The following GAS7 variants were observed in gnomAD, a reference collection of about 807,000 sequenced individuals.
GAS7 encodes growth arrest-specific protein 7.
A neutral mutation model predicts 71.1 loss-of-function variants in GAS7; 28 were observed. The observed-to-expected ratio is 0.39, with a 90% CI of 0.29 to 0.54. The LOEUF (loss-of-function observed/expected upper bound fraction) is 0.54, where lower values mean the gene tolerates loss of function less well. GAS7 is among the 20% of genes least tolerant of loss of function. GAS7 has a pLI of 0.62. For missense variants in GAS7, 436 were observed against 627.8 expected (o/e 0.69, Z 3.27); for synonymous variants, 258 against 245.8 (o/e 1.05, Z -0.46).
intron 1 of GAS7, among the ~76,000 whole-genome samples, chr17:10,065,591 A>C (rs146062889): frequency 0.016 from 2,508 of 152,312 alleles, 34 homozygotes; most frequent in Middle Eastern, 0.027. Context: ...TCTCTTATAA[A>C]GATGCTTGTG....
rs1296844463 is a variant in GAS7 at position 10,005,050 on chromosome 17, T to TATATATATATATATATATATATATAC, written c.304+14726_304+14727insGTATATATATATATATATATATATAT. On this transcript the variant is annotated intron_variant, in intron 2 of 13. Transcript: ENST00000432992. ...CTCTCTATATATACATACATATATATACACATATATGTGTGTATGCACGCA... is the reference window on the plus strand; with the variant it reads ...CTCTCTATATATACATACATATATATATATATATATATATATATATATATACACACATATATGTGTGTATGCACGCA... 2.7e-5 allele frequency among the ~76,000 whole-genome samples: 4 copies of TATATATATATATATATATATATATAC among 150,158 alleles called. No individual in the cohort carries two copies. The East Asian group carries it at 7.9e-4, about 30-fold the overall frequency.
At chr17:10,108,142 G>A (rs542418641) in intron 1 of GAS7, among the ~76,000 whole-genome samples, 5 of 152,338 alleles carry the variant, frequency 3.3e-5, no homozygotes, top group East Asian at 1.9e-4. Context: ...ATGGCCCAGC[G>A]TGGCCAGCTA....
At chr17:10,115,020 T>C (rs1311266739) in intron 1 of GAS7, among the ~76,000 whole-genome samples, 1 of 151,594 alleles carries the variant, frequency 6.6e-6, no homozygotes, top group Non-Finnish European at 1.5e-5. Flanking sequence ...AGCTGTCCTC[T>C]GTCTGTCTGT....
chr17:10,059,815 G>T (rs957884580), intron 1 of GAS7: 12 of 984,866 alleles, frequency 1.2e-5, no homozygotes, highest in Middle Eastern at 5.2e-4. Context: ...TTTATATATA[G>T]AAAGTTGCAG....
At chr17:9,945,134 C>T (rs1488531844) in intron 6 of GAS7, among the ~76,000 whole-genome samples, 1 of 152,128 alleles carries the variant, frequency 6.6e-6, no homozygotes, top group Non-Finnish European at 1.5e-5. Flanking sequence ...CTAGGATACC[C>T]ATTTCCAGGG....
At chr17:10,128,691 C>T (rs2073971969) in intron 1 of GAS7, among the ~76,000 whole-genome samples, 3 of 150,688 alleles carry the variant, frequency 2.0e-5, no homozygotes, top group Admixed American at 2.0e-4. Context: ...GTGATCTCGG[C>T]TCACTGCAAG....
At chr17:9,999,697 C>T (rs930330355) in intron 2 of GAS7, among the ~76,000 whole-genome samples, 4 of 152,158 alleles carry the variant, frequency 2.6e-5, no homozygotes, top group Non-Finnish European at 2.9e-5. Context: ...TTTAGCCCCA[C>T]GGCTCCTTCA....
intron 3 of GAS7, among the ~76,000 whole-genome samples, chr17:9,973,216 G>T (rs1428217330): frequency 6.6e-6 from 1 of 151,140 alleles, no homozygotes; most frequent in East Asian, 1.9e-4. Context: ...CAGAATTAGG[G>T]ATTAGAAAGA....
intron 1 of GAS7, among the ~76,000 whole-genome samples, chr17:10,182,911 C>G (rs2074426690): frequency 6.6e-6 from 1 of 152,194 alleles, no homozygotes; most frequent in African/African-American, 2.4e-5. Flanking sequence ...TTTCACCTCT[C>G]CCAATAAATA....
intron 1 of GAS7, among the ~76,000 whole-genome samples, chr17:10,176,432 C>T (rs1461120035): frequency 1.3e-5 from 2 of 152,192 alleles, no homozygotes; most frequent in Non-Finnish European, 2.9e-5. Context: ...CTTCAAATCC[C>T]GTACACAGCC....
At chr17:9,947,471 G>A (rs1472918375) in intron 5 of GAS7, among the ~76,000 whole-genome samples, 8 of 152,180 alleles carry the variant, frequency 5.3e-5, no homozygotes, top group East Asian at 1.9e-4. Flanking sequence ...GCGGCCGGGC[G>A]CGGTGGCTCA....
intron 1 of GAS7, among the ~76,000 whole-genome samples, chr17:10,076,224 G>GGGGAGA (rs1363496910): frequency 1.5e-5 from 1 of 66,948 alleles, no homozygotes; most frequent in African/African-American, 6.3e-5. Flanking sequence ...GGGAGGGGGA[G>GGGGAGA]GGGAGAGGGA....
intron 5 of GAS7, among the ~76,000 whole-genome samples, chr17:9,950,913 T>C (rs1028680457): frequency 6.6e-6 from 1 of 151,110 alleles, no homozygotes; most frequent in Non-Finnish European, 1.5e-5. Context: ...TGTGATGGAT[T>C]AAAAAAACAA....
intron 1 of GAS7, among the ~76,000 whole-genome samples, chr17:10,130,688 C>A (rs1182099925): frequency 6.6e-6 from 1 of 152,174 alleles, no homozygotes; most frequent in Non-Finnish European, 1.5e-5. Flanking sequence ...AAATGAAGTC[C>A]TAATACATGC....
Position 10,167,044 on chromosome 17 carries a change from C to CTTTTTTTTTTTTTTTTTTTTTTTTTTT in GAS7, c.183+31137_183+31163dup, listed in dbSNP as rs1164151104. 3.4e-5 allele frequency among the ~76,000 whole-genome samples: 2 copies of CTTTTTTTTTTTTTTTTTTTTTTTTTTT among 58,806 alleles called. 1 individual carries two copies. Among genetic ancestry groups the CTTTTTTTTTTTTTTTTTTTTTTTTTTT allele is most frequent in the Non-Finnish European group, 5.9e-5 (2 of 34,068 alleles). The allele number at this position is 58,806 out of a possible 152,430, so 38.6% of individuals were successfully genotyped here. Reference sequence around the variant, plus strand: ...AAACCAATCTACTATTTCCATTTGTCTTTTTTTTTTTTTTTTTTTTTTTTT... The same window carrying CTTTTTTTTTTTTTTTTTTTTTTTTTTT: ...AAACCAATCTACTATTTCCATTTGTCTTTTTTTTTTTTTTTTTTTTTTTTTTTTTTTTTTTTTTTTTTTTTTTTTTTT... On this transcript the variant is annotated intron_variant, in intron 1 of 13. Coordinates refer to ENST00000432992, the MANE Select transcript of GAS7 (RefSeq NM_201433.2).
chr17:9,940,086 C>T (rs1217853872), intron 8 of GAS7, 40 bp downstream of exon 8: 1 of 1,101,208 alleles, frequency 9.1e-7, no homozygotes, highest in Non-Finnish European at 1.4e-6. Flanking sequence ...CTCAGTGACC[C>T]CCCATCCTCC....
intron 1 of GAS7, among the ~76,000 whole-genome samples, chr17:10,087,114 T>G (rs1305620685): frequency 6.6e-6 from 1 of 152,150 alleles, no homozygotes; most frequent in Non-Finnish European, 1.5e-5. Context: ...AGCTCTGGTG[T>G]GCATGGAGAA....
intron 1 of GAS7, chr17:10,036,802 A>T: frequency 9.4e-7 from 1 of 1,068,124 alleles, no homozygotes; most frequent in Non-Finnish European, 1.2e-6. Flanking sequence ...TCAGCTAAAA[A>T]ACGTTGGCTG....
At chr17:9,937,802 C>T (rs2068454552) in intron 8 of GAS7, among the ~76,000 whole-genome samples, 1 of 152,200 alleles carries the variant, frequency 6.6e-6, no homozygotes, top group African/African-American at 2.4e-5. Context: ...GGGGTTCACT[C>T]CCCCTTGGAG....
Sources: allele counts gnomAD v4.1 joint callset (sites outside exome capture counted in the v4.1 genomes callset), GRCh38; gene constraint gnomAD v4.1.1; transcripts MANE v1.5; gene names NCBI Gene and HGNC (gene_info 2026-07-23, HGNC 2026-07-21).